Variants in NAALADL2 observed in about 807,000 individuals in gnomAD.
The protein encoded by NAALADL2 is N-acetylated alpha-linked acidic dipeptidase like 2.
Under a neutral mutation model 87.2 loss-of-function variants are expected in NAALADL2, and 76 were observed. The ratio of observed to expected loss-of-function variants is 0.87; its 90% confidence interval spans 0.72 to 1.05. The LOEUF is 1.05. NAALADL2 is among the 50% of genes least tolerant of loss of function. The pLI is 0.00. For missense variants in NAALADL2, 1,089 were observed against 945.8 expected, an observed-to-expected ratio of 1.15 and a Z score of -1.99; for synonymous variants, 354 against 331.0, an observed-to-expected ratio of 1.07 and a Z score of -0.75.
intron 3 of NAALADL2, among the ~76,000 whole-genome samples, chr3:174,765,138 ACACAC>A (rs772414433): frequency 0.043 from 5,510 of 128,118 alleles, 129 homozygotes; most frequent in Non-Finnish European, 0.069. Flanking sequence ...ACACACACAC[ACACAC>A]GAGAGAGAGA....
In NAALADL2 at chr3:175,726,851, G is replaced by A. The variant is rs1247905036; in HGVS notation, c.1897-10455G>A. 2.0e-5 allele frequency among the ~76,000 whole-genome samples: 3 copies of A among 152,130 alleles called. No individual in the cohort carries two copies. In the East Asian group the frequency reaches 5.8e-4, roughly 29 times the overall value. ...TTCAGCAGAAGCAGAAGCTGGAAAG[G>A]AGGATTTGAATCAGGGAGTTTATAT... On this transcript the variant is annotated intron_variant, in intron 11 of 13. Transcript: ENST00000454872.
At chr3:175,314,698 A>ATTTC (rs1758896145) in intron 4 of NAALADL2, among the ~76,000 whole-genome samples, 1 of 97,856 alleles carries the variant, frequency 1.0e-5, no homozygotes, top group African/African-American at 3.8e-5. Context: ...ATATATATAT[A>ATTTC]TATATATATA....
In NAALADL2 at chr3:175,667,258, A is replaced by G. The variant is rs139121382; in HGVS notation, c.1896+39872A>G. Among the ~76,000 whole-genome samples the G allele has an allele frequency of 6.6e-3, 913 of 138,870 alleles. 13 individuals are homozygous for G. The highest frequency in any genetic ancestry group is 0.023 in the African/African-American group (710 of 30,896). 91.1% of individuals were successfully genotyped at this position (138,870 alleles called of 152,430 possible). ...AAGAAAGAAAAAGAAAGAAAGAAAG[A>G]AAGAAAGGAAGGAAGGGATGGGGAT... is the stretch of plus-strand genomic sequence containing the variant. On this transcript the variant is annotated intron_variant, in intron 11 of 13. Transcript: ENST00000454872.
intron 5 of NAALADL2, among the ~76,000 whole-genome samples, chr3:175,390,286 C>T (rs1768920765): frequency 6.6e-6 from 1 of 152,050 alleles, no homozygotes; most frequent in Admixed American, 6.6e-5. Flanking sequence ...ATATTTGGCA[C>T]ATTAGATATA....
chr3:174,957,946 T>C (rs1253916862), intron 1 of NAALADL2, among the ~76,000 whole-genome samples: 1 of 151,938 alleles, frequency 6.6e-6, no homozygotes, highest in Non-Finnish European at 1.5e-5. Context: ...TTTTCCCCAT[T>C]GCCAATGTAG....
At position 174,764,030 on chromosome 3, in the gene NAALADL2, A is replaced by G. The variant is rs181479245; in HGVS notation, c.-9+26284A>G. On this transcript the variant is annotated intron_variant, in intron 3 of 3. Coordinates refer to the NAALADL2 transcript ENST00000434257. The stretch of plus-strand genomic sequence containing the variant: ...GAAAAGACTGAAATCATATAGGTCA[A>G]TCTGCTCTTTGTGATTCAGAGAGAT... Among the ~76,000 whole-genome samples, 11 of 152,312 alleles carry G rather than the reference A, an allele frequency of 7.2e-5. No individual in the cohort carries two copies. The East Asian group carries it at 9.6e-4, about 13-fold the overall frequency.
intron 1 of NAALADL2, among the ~76,000 whole-genome samples, chr3:174,521,589 A>G (rs904201586): frequency 6.6e-6 from 1 of 150,696 alleles, no homozygotes; most frequent in Admixed American, 6.6e-5. Context: ...AAAAAAAAAA[A>G]AAAAAAAGAA....
intron 1 of NAALADL2, among the ~76,000 whole-genome samples, chr3:174,963,850 C>T (rs183221135): frequency 1.5e-4 from 23 of 152,010 alleles, no homozygotes; most frequent in African/African-American, 5.1e-4. Flanking sequence ...TTAACAATGA[C>T]AGGAAAATAT....
At chr3:175,085,774 T>C (rs1659549866) in intron 1 of NAALADL2, among the ~76,000 whole-genome samples, 1 of 152,040 alleles carries the variant, frequency 6.6e-6, no homozygotes, top group Non-Finnish European at 1.5e-5. Flanking sequence ...AAAAATTAGC[T>C]GGGCATGGTG....
intron 3 of NAALADL2, chr3:175,235,175 T>A (rs1252451336): frequency 6.6e-6 from 1 of 152,142 alleles, no homozygotes. Context: ...AACTTATTAT[T>A]AACTTTGATT....
intron 1 of NAALADL2, among the ~76,000 whole-genome samples, chr3:174,885,773 A>G (rs1054852205): frequency 6.6e-6 from 1 of 151,572 alleles, no homozygotes; most frequent in African/African-American, 2.4e-5. Flanking sequence ...AATATATAAT[A>G]TAGTCTAGCA....
chr3:175,764,493 A>T (rs1197777888), intron 13 of NAALADL2, among the ~76,000 whole-genome samples: 1 of 151,982 alleles, frequency 6.6e-6, no homozygotes, highest in African/African-American at 2.4e-5. Flanking sequence ...TGCCAGAATG[A>T]CCTTGTGGAA....
chr3:174,898,180 T>C (rs913867089), intron 1 of NAALADL2, among the ~76,000 whole-genome samples: 3 of 123,342 alleles, frequency 2.4e-5, no homozygotes, highest in African/African-American at 8.9e-5. Flanking sequence ...TGCAATAACA[T>C]GGGCAGAATT....
chr3:175,274,492 T>C (rs928739206), intron 4 of NAALADL2, among the ~76,000 whole-genome samples: 4 of 152,202 alleles, frequency 2.6e-5, no homozygotes, highest in Non-Finnish European at 5.9e-5. Flanking sequence ...TTTCAAAACA[T>C]TAGTGAGCTA....
At chr3:175,006,070 G>C (rs760616829) in intron 1 of NAALADL2, among the ~76,000 whole-genome samples, 2 of 152,162 alleles carry the variant, frequency 1.3e-5, no homozygotes, top group Non-Finnish European at 2.9e-5. Context: ...AAGCTTGCCA[G>C]GTTCCTGATC....
At chr3:174,526,678 CT>C (rs11333906) in intron 1 of NAALADL2, among the ~76,000 whole-genome samples, 42,395 of 138,048 alleles carry the variant, frequency 0.31, 6,064 homozygotes, top group East Asian at 0.46. Flanking sequence ...TTTTCTTTTT[CT>C]TTTTTTTTTT....
chr3:174,956,236 C>T (rs192059874), intron 1 of NAALADL2, among the ~76,000 whole-genome samples: 3 of 152,076 alleles, frequency 2.0e-5, no homozygotes, highest in East Asian at 3.9e-4. Context: ...TTTCTTTCCA[C>T]GATTAGAAGT....
chr3:175,442,020 C>A (rs777233378), intron 5 of NAALADL2, among the ~76,000 whole-genome samples: 2 of 152,136 alleles, frequency 1.3e-5, no homozygotes, highest in Non-Finnish European at 2.9e-5. Context: ...CAGCTCACTG[C>A]AACTTCCGCC....
intron 11 of NAALADL2, among the ~76,000 whole-genome samples, chr3:175,700,567 AT>A (rs905174481): frequency 6.6e-6 from 1 of 152,028 alleles, no homozygotes; most frequent in Non-Finnish European, 1.5e-5. Flanking sequence ...TATATATGAC[AT>A]TTTTTTAAAG....
Sources: gnomAD v4.1 joint callset for allele counts (sites outside exome capture counted in the v4.1 genomes callset) on GRCh38, gnomAD v4.1.1 for gene constraint, MANE v1.5 for transcripts, NCBI Gene and HGNC (gene_info 2026-07-23, HGNC 2026-07-21) for gene names.